Variants in MGAT4C observed in about 807,000 individuals in gnomAD.
The protein encoded by MGAT4C is MGAT4 family member C, also known as alpha-1,3-mannosyl-glycoprotein 4-beta-N-acetylglucosaminyltransferase C.
A neutral mutation model predicts 40.1 loss-of-function variants in MGAT4C; 19 were observed. The observed-to-expected ratio is 0.47, with a 90% CI of 0.33 to 0.70. The LOEUF is 0.70. Among genes scored for constraint, MGAT4C ranks in the 30% least tolerant of loss-of-function variants. MGAT4C has a pLI of 0.02. For missense variants in MGAT4C, 491 were observed against 563.2 expected (o/e 0.87, Z 1.30); for synonymous variants, 181 against 187.1 (o/e 0.97, Z 0.27).
At position 85,973,066 on chromosome 12, in the gene MGAT4C, A is replaced by G. The variant is rs1372337824; in HGVS notation, c.*6223T>C. 1.3e-5 allele frequency: 2 copies of G among 150,766 alleles called. No homozygotes were observed. Among genetic ancestry groups the G allele is most frequent in the African/African-American group, 4.8e-5 (2 of 41,332 alleles). 9.3% of individuals were successfully genotyped at this position (150,766 alleles called of 1,614,324 possible). On this transcript the variant is annotated 3_prime_UTR_variant, in exon 5 of 5. Transcript: ENST00000611864. ...TGAAGTTACAAAAAAAGTACTTTTT[A>G]AATGTCTAGTTTCTAATAGAGTTAG...
intron 1 of MGAT4C, among the ~76,000 whole-genome samples, chr12:86,794,765 C>G (rs968056693): frequency 1.3e-5 from 2 of 151,690 alleles, no homozygotes; most frequent in Non-Finnish European, 3.0e-5. Context: ...TAACTGAGTA[C>G]AAACAGAAAT....
At chr12:86,169,816 C>T (rs548997486) in intron 1 of MGAT4C, among the ~76,000 whole-genome samples, 1 of 152,044 alleles carries the variant, frequency 6.6e-6, no homozygotes, top group Non-Finnish European at 1.5e-5. Flanking sequence ...ACTACCAAAG[C>T]CCAGAAAGAG....
rs1393665019 is a variant in MGAT4C, at chr12:86,682,821, T to C, written c.-229+44388A>G. 3.9e-5 allele frequency among the ~76,000 whole-genome samples: 6 copies of C among 151,914 alleles called. No individual in the cohort carries two copies. The East Asian group carries it at 1.2e-3, about 29-fold the overall frequency. ...TAACCTCCAGTTAAAAACTTTGATT[T>C]GGATTCACTCTTCTCTCTAACTACA... On this transcript the variant is annotated intron_variant, in intron 2 of 7. Coordinates refer to the MGAT4C transcript ENST00000548651.
chr12:86,116,424 AT>A (rs200368634), intron 1 of MGAT4C, among the ~76,000 whole-genome samples: 9 of 151,572 alleles, frequency 5.9e-5, no homozygotes, highest in African/African-American at 2.2e-4. Context: ...CAGATTAGAG[AT>A]TTTTTTTTAA....
chr12:86,195,915 C>A (rs1949783457), intron 1 of MGAT4C, among the ~76,000 whole-genome samples: 1 of 152,148 alleles, frequency 6.6e-6, no homozygotes, highest in South Asian at 2.1e-4. Flanking sequence ...GCCTGTTTCC[C>A]ATATTATTCC....
chr12:86,772,198 G>T lies in MGAT4C; in HGVS notation c.-261-44957C>A, dbSNP rs547013852. On this transcript the variant is annotated intron_variant, in intron 1 of 7. Coordinates refer to the MGAT4C transcript ENST00000548651. Reference sequence around the variant, plus strand: ...ACCAGAAGCTGGGATTGAAGATGTGGTTATCCAGGAAAGATCTGTGAAGGA... The same window carrying T: ...ACCAGAAGCTGGGATTGAAGATGTGTTTATCCAGGAAAGATCTGTGAAGGA... Among the ~76,000 whole-genome samples the T allele has an allele frequency of 3.9e-5, 6 of 152,266 alleles. No individual in the cohort carries two copies. In the East Asian group the frequency reaches 7.7e-4, roughly 20 times the overall value.
chr12:86,649,149 A>G (rs1963627219), intron 2 of MGAT4C, among the ~76,000 whole-genome samples: 1 of 151,766 alleles, frequency 6.6e-6, no homozygotes, highest in South Asian at 2.1e-4. Flanking sequence ...ACACCTAAGC[A>G]TTTTTTGAGA....
chr12:86,318,796 G>GT (rs1429793049), intron 4 of MGAT4C, among the ~76,000 whole-genome samples: 1 of 152,064 alleles, frequency 6.6e-6, no homozygotes, highest in Non-Finnish European at 1.5e-5. Flanking sequence ...AACTTTCACT[G>GT]TTTAATTATT....
At chr12:86,350,537 G>A (rs1955135118) in intron 3 of MGAT4C, among the ~76,000 whole-genome samples, 2 of 152,114 alleles carry the variant, frequency 1.3e-5, no homozygotes. Flanking sequence ...GCCCGATTCT[G>A]TTGCAACTAT....
At chr12:85,981,074 TAA>T (rs1348712847) in intron 4 of MGAT4C, among the ~76,000 whole-genome samples, 1 of 152,134 alleles carries the variant, frequency 6.6e-6, no homozygotes, top group Non-Finnish European at 1.5e-5. Flanking sequence ...AACAATATTA[TAA>T]GACACATTCA....
chr12:86,377,060 CTT>C (rs57102882), intron 3 of MGAT4C, among the ~76,000 whole-genome samples: 17 of 130,618 alleles, frequency 1.3e-4, no homozygotes, highest in Admixed American at 1.5e-4. Flanking sequence ...TAGGCATTTG[CTT>C]TTTTTTTTTT....
intron 2 of MGAT4C, among the ~76,000 whole-genome samples, chr12:86,618,375 C>T (rs1322694666): frequency 6.6e-6 from 1 of 152,124 alleles, no homozygotes; most frequent in Admixed American, 6.5e-5. Flanking sequence ...GATACTTGCA[C>T]CTCCATGTTT....
chr12:86,008,478 A>T (rs1888123947), intron 2 of MGAT4C, among the ~76,000 whole-genome samples: 1 of 152,008 alleles, frequency 6.6e-6, no homozygotes, highest in Non-Finnish European at 1.5e-5. Flanking sequence ...ATTTTTCTAT[A>T]TTGATGCCTT....
chr12:86,227,298 C>G (rs11103892), intron 1 of MGAT4C, among the ~76,000 whole-genome samples: 1 of 151,864 alleles, frequency 6.6e-6, no homozygotes. Flanking sequence ...AAATTAGAAT[C>G]ACTGTCTACA....
chr12:86,100,199 C>G (rs1874720300), intron 1 of MGAT4C, among the ~76,000 whole-genome samples: 1 of 151,346 alleles, frequency 6.6e-6, no homozygotes, highest in Non-Finnish European at 1.5e-5. Flanking sequence ...AATTCATATT[C>G]AGGTTTATTA....
intron 2 of MGAT4C, among the ~76,000 whole-genome samples, chr12:86,703,557 T>C (rs143587637): frequency 2.6e-5 from 4 of 152,304 alleles, no homozygotes; most frequent in East Asian, 3.9e-4. Context: ...GTAGCATTTT[T>C]AGCAATAAAG....
intron 1 of MGAT4C, among the ~76,000 whole-genome samples, chr12:86,067,686 C>T (rs773460978): frequency 3.3e-5 from 5 of 151,966 alleles, no homozygotes; most frequent in Non-Finnish European, 7.4e-5. Context: ...TGCACATGTA[C>T]CCCAGAACTT....
At chr12:86,349,954 T>C (rs929904855) in intron 3 of MGAT4C, among the ~76,000 whole-genome samples, 2 of 152,018 alleles carry the variant, frequency 1.3e-5, no homozygotes, top group African/African-American at 4.8e-5. Flanking sequence ...AATGTAAATA[T>C]AATTTATTCC....
chr12:86,487,134 T>C (rs948856372), intron 2 of MGAT4C, among the ~76,000 whole-genome samples: 2 of 152,140 alleles, frequency 1.3e-5, no homozygotes, highest in Admixed American at 1.3e-4. Context: ...AACAAGCAAA[T>C]GATGATTTCT....
Sources: gnomAD v4.1 joint callset for allele counts (sites outside exome capture counted in the v4.1 genomes callset) on GRCh38, gnomAD v4.1.1 for gene constraint, MANE v1.5 for transcripts, NCBI Gene and HGNC (gene_info 2026-07-23, HGNC 2026-07-21) for gene names.